The following SLC2A13 variants were observed in gnomAD, a reference collection of about 807,000 sequenced individuals.
SLC2A13 encodes the protein proton myo-inositol cotransporter.
A neutral mutation model predicts 64.4 loss-of-function variants in SLC2A13; 32 were observed. That is an observed-to-expected ratio of 0.50 (90% CI 0.37 to 0.67). The LOEUF is 0.67. SLC2A13 is among the 30% of genes least tolerant of loss of function. The pLI is 0.00. For synonymous variants in SLC2A13, 338 were observed against 327.1 expected, an observed-to-expected ratio of 1.03 and a Z score of -0.36; for missense variants, 743 against 829.2, an observed-to-expected ratio of 0.90 and a Z score of 1.28.
intron 6 of SLC2A13, among the ~76,000 whole-genome samples, chr12:39,859,490 T>C (rs915019549): frequency 1.3e-5 from 2 of 152,072 alleles, no homozygotes; most frequent in African/African-American, 4.8e-5. Flanking sequence ...CCTCTGCAGA[T>C]GACCCTGGTT....
intron 7 of SLC2A13, among the ~76,000 whole-genome samples, chr12:39,818,042 A>T (rs4598727): frequency 0.69 from 104,690 of 152,078 alleles, 36,540 homozygotes; most frequent in African/African-American, 0.79. Flanking sequence ...CAGCTCTTTA[A>T]CTTCTACAGA....
chr12:40,032,333 G>T lies in SLC2A13; in HGVS notation c.717-3824C>A, dbSNP rs141520629. On this transcript the variant is annotated intron_variant, in intron 2 of 9. Coordinates refer to ENST00000280871, the MANE Select transcript of SLC2A13 (RefSeq NM_052885.4). ...ACACACAGTCAAGCAGACATGCCAA[G>T]CTCTCATGAGTTTTTAAATCTTTAG... Among the ~76,000 whole-genome samples the T allele has an allele frequency of 9.6e-4, 146 of 152,278 alleles. 1 individual carries two copies. The highest frequency in any genetic ancestry group is 3.2e-3 in the African/African-American group (133 of 41,558).
chr12:40,071,313 A>C (rs986492241), intron 1 of SLC2A13, among the ~76,000 whole-genome samples: 5 of 152,110 alleles, frequency 3.3e-5, no homozygotes, highest in Non-Finnish European at 7.4e-5. Context: ...GTGATTATTT[A>C]GTCTGTTGAT....
rs181490798 is a variant in SLC2A13 at position 39,801,671 on chromosome 12, G to C, written c.1445+28432C>G. Among the ~76,000 whole-genome samples the C allele has an allele frequency of 2.1e-3, 326 of 152,278 alleles. 1 individual carries two copies. The highest frequency in any genetic ancestry group is 7.6e-3 in the African/African-American group (314 of 41,552). ...GACTTATTTTTCTTTTCCTAGCTCT[G>C]CCACTTAACTGGTTTTCTGAATTTT... is the stretch of plus-strand genomic sequence containing the variant. On this transcript the variant is annotated intron_variant, in intron 7 of 9. Coordinates refer to ENST00000280871, the MANE Select transcript of SLC2A13 (RefSeq NM_052885.4).
At chr12:39,778,542 T>C (rs145371639) in intron 7 of SLC2A13, among the ~76,000 whole-genome samples, 68 of 152,336 alleles carry the variant, frequency 4.5e-4, no homozygotes, top group African/African-American at 1.6e-3. Flanking sequence ...TGATAAGTTA[T>C]ATTATTAATT....
intron 4 of SLC2A13, among the ~76,000 whole-genome samples, chr12:39,883,038 C>T (rs1169957436): frequency 1.3e-5 from 2 of 152,094 alleles, no homozygotes; most frequent in African/African-American, 4.8e-5. Flanking sequence ...TGGCTTTCCA[C>T]CTCTTTTTTC....
chr12:39,922,559 G>T (rs1388880469), intron 4 of SLC2A13, among the ~76,000 whole-genome samples: 1 of 152,156 alleles, frequency 6.6e-6, no homozygotes, highest in Non-Finnish European at 1.5e-5. Flanking sequence ...AAAAGAGGTT[G>T]GGGAGAAACA....
intron 3 of SLC2A13, among the ~76,000 whole-genome samples, chr12:39,991,881 C>T (rs555927021): frequency 5.1e-4 from 77 of 152,152 alleles, no homozygotes; most frequent in African/African-American, 1.7e-3. Context: ...TATAGCTCAC[C>T]CATCCTGCCC....
chr12:39,978,428 G>A (rs1251282973), intron 3 of SLC2A13, among the ~76,000 whole-genome samples: 1 of 152,216 alleles, frequency 6.6e-6, no homozygotes, highest in Non-Finnish European at 1.5e-5. Context: ...CATCACACTG[G>A]GGAGTGCCAG....
intron 7 of SLC2A13, among the ~76,000 whole-genome samples, chr12:39,816,072 CATA>C (rs1942330002): frequency 6.6e-6 from 1 of 152,134 alleles, no homozygotes; most frequent in African/African-American, 2.4e-5. Context: ...CGATGAGGCA[CATA>C]ATATGTTCTG....
chr12:40,102,250 T>C (rs1939175877), intron 1 of SLC2A13, among the ~76,000 whole-genome samples: 1 of 152,220 alleles, frequency 6.6e-6, no homozygotes, highest in Non-Finnish European at 1.5e-5. Context: ...GCCTGCCCCA[T>C]ATCTGACAGG....
At chr12:39,844,665 G>C (rs1167493995) in intron 6 of SLC2A13, among the ~76,000 whole-genome samples, 2 of 152,026 alleles carry the variant, frequency 1.3e-5, no homozygotes, top group Non-Finnish European at 2.9e-5. Flanking sequence ...TGGATTTATA[G>C]TCATACACTC....
intron 4 of SLC2A13, among the ~76,000 whole-genome samples, chr12:39,909,254 A>T (rs1945367604): frequency 6.6e-6 from 1 of 152,066 alleles, no homozygotes; most frequent in Non-Finnish European, 1.5e-5. Context: ...TTCTTTTATA[A>T]GTCATTTCTT....
At chr12:39,835,851 A>G (rs1232977514) in intron 6 of SLC2A13, 1 of 152,106 alleles carries the variant, frequency 6.6e-6, no homozygotes, top group African/African-American at 2.4e-5. Context: ...AGATGAATTG[A>G]CGTAAATATA....
chr12:40,049,441 A>G (rs1034934250), intron 1 of SLC2A13, among the ~76,000 whole-genome samples: 1 of 152,166 alleles, frequency 6.6e-6, no homozygotes, highest in Non-Finnish European at 1.5e-5. Context: ...GTGCTGTTGA[A>G]GGTGCTATTT....
At chr12:39,797,335 G>T (rs996550966) in intron 7 of SLC2A13, among the ~76,000 whole-genome samples, 1 of 152,024 alleles carries the variant, frequency 6.6e-6, no homozygotes, top group Non-Finnish European at 1.5e-5. Context: ...AACTTATTTT[G>T]GATTTCTGAC....
At chr12:40,051,915 G>C (rs1400641430) in intron 1 of SLC2A13, among the ~76,000 whole-genome samples, 2 of 152,174 alleles carry the variant, frequency 1.3e-5, no homozygotes, top group African/African-American at 4.8e-5. Context: ...CATTCTAGTT[G>C]GAGTACGGAA....
chr12:39,944,360 A>C (rs1413499697), intron 4 of SLC2A13, among the ~76,000 whole-genome samples: 1 of 152,216 alleles, frequency 6.6e-6, no homozygotes, highest in African/African-American at 2.4e-5. Context: ...TGTTAAGTCC[A>C]TTTGTTCCAA....
At chr12:39,791,028 G>A (rs1391719358) in intron 7 of SLC2A13, among the ~76,000 whole-genome samples, 7 of 114,264 alleles carry the variant, frequency 6.1e-5, no homozygotes, top group East Asian at 5.7e-4. Flanking sequence ...CTTTTGAGAA[G>A]TGTCTGTTCA....
Sources: allele counts gnomAD v4.1 joint callset (sites outside exome capture counted in the v4.1 genomes callset), GRCh38; gene constraint gnomAD v4.1.1; transcripts MANE v1.5; gene names NCBI Gene and HGNC (gene_info 2026-07-23, HGNC 2026-07-21).